UBE2R2: variants seen among roughly 807,000 people sequenced by gnomAD.
UBE2R2 encodes the protein ubiquitin conjugating enzyme E2 R2.
Under a neutral mutation model 27.8 loss-of-function variants are expected in UBE2R2, and 1 was observed. The ratio of observed to expected loss-of-function variants is 0.04; its 90% confidence interval spans 0.01 to 0.17. The LOEUF is 0.17. UBE2R2 is among the 10% of genes least tolerant of loss of function. UBE2R2 has a pLI of 1.00. For synonymous variants in UBE2R2, 106 were observed against 113.3 expected (o/e 0.94, Z 0.41); for missense variants, 100 against 291.0 (o/e 0.34, Z 4.78).
At chr9:33,823,531 A>G (rs1820219098) in intron 1 of UBE2R2, among the ~76,000 whole-genome samples, 1 of 152,000 alleles carries the variant, frequency 6.6e-6, no homozygotes, top group Admixed American at 6.6e-5. Flanking sequence ...GCGTGCCAGC[A>G]CGCCCGGTTA....
At chr9:33,907,836 GTT>G (rs10971780) in intron 3 of UBE2R2, among the ~76,000 whole-genome samples, 1 of 151,126 alleles carries the variant, frequency 6.6e-6, no homozygotes, top group African/African-American at 2.4e-5. Flanking sequence ...TTTTGTTGTT[GTT>G]TTTTTTTAAG....
At chr9:33,848,957 A>G (rs1038326513) in intron 1 of UBE2R2, among the ~76,000 whole-genome samples, 1 of 151,934 alleles carries the variant, frequency 6.6e-6, no homozygotes, top group Non-Finnish European at 1.5e-5. Context: ...CTACAAAGAT[A>G]ATAATAACTC....
At chr9:33,876,291 G>C (rs1346191946) in intron 1 of UBE2R2, among the ~76,000 whole-genome samples, 1 of 152,208 alleles carries the variant, frequency 6.6e-6, no homozygotes, top group Non-Finnish European at 1.5e-5. Context: ...GGGAGGCGGA[G>C]GTTGCAGTGA....
chr9:33,848,727 G>A (rs1002516212), intron 1 of UBE2R2, among the ~76,000 whole-genome samples: 17 of 151,328 alleles, frequency 1.1e-4, no homozygotes, highest in Non-Finnish European at 2.2e-4. Context: ...TTAGCCTCCC[G>A]AATAGCTGAG....
intron 1 of UBE2R2, among the ~76,000 whole-genome samples, chr9:33,853,280 TTC>T (rs1225565507): frequency 7.3e-6 from 1 of 136,372 alleles, no homozygotes; most frequent in Non-Finnish European, 1.6e-5. Flanking sequence ...GCTTTACCTT[TTC>T]TCTCTCTTTT....
At chr9:33,892,413 A>G (rs1822012036) in intron 2 of UBE2R2, among the ~76,000 whole-genome samples, 1 of 152,174 alleles carries the variant, frequency 6.6e-6, no homozygotes, top group South Asian at 2.1e-4. Context: ...TAATTTTTAG[A>G]GCAGTTTTGG....
intron 1 of UBE2R2, among the ~76,000 whole-genome samples, chr9:33,859,948 A>G (rs1008916412): frequency 3.9e-5 from 6 of 152,076 alleles, no homozygotes; most frequent in African/African-American, 9.7e-5. Flanking sequence ...CTGAGACCAC[A>G]GGCATGAACC....
intron 2 of UBE2R2, among the ~76,000 whole-genome samples, chr9:33,893,852 G>A (rs956250512): frequency 6.6e-6 from 1 of 152,110 alleles, no homozygotes; most frequent in African/African-American, 2.4e-5. Flanking sequence ...GGCTGATCTA[G>A]AACTCCTGGC....
chr9:33,869,832 TTTTTG>T (rs916600640), intron 1 of UBE2R2, among the ~76,000 whole-genome samples: 10 of 152,066 alleles, frequency 6.6e-5, no homozygotes, highest in African/African-American at 1.9e-4. Flanking sequence ...TTTAAATTAT[TTTTTG>T]TTTTGTTTTT....
At chr9:33,856,441 A>G (rs998059029) in intron 1 of UBE2R2, among the ~76,000 whole-genome samples, 1 of 152,064 alleles carries the variant, frequency 6.6e-6, no homozygotes, top group Non-Finnish European at 1.5e-5. Flanking sequence ...AGATTTCTAA[A>G]TAGTGTGCTC....
chr9:33,828,238 G>T (rs1820358703), intron 1 of UBE2R2, among the ~76,000 whole-genome samples: 1 of 149,988 alleles, frequency 6.7e-6, no homozygotes, highest in Admixed American at 6.6e-5. Context: ...GGAGGTGGAG[G>T]TTGCAGTGAG....
chr9:33,874,798 G>T (rs1432904941), intron 1 of UBE2R2, among the ~76,000 whole-genome samples: 1 of 151,956 alleles, frequency 6.6e-6, no homozygotes, highest in Non-Finnish European at 1.5e-5. Context: ...GAGTAGCCAG[G>T]ACTACAAGTG....
chr9:33,899,594 C>G (rs566076248), intron 2 of UBE2R2, among the ~76,000 whole-genome samples: 4 of 152,116 alleles, frequency 2.6e-5, no homozygotes, highest in Non-Finnish European at 4.4e-5. Context: ...AGGCTGGTCT[C>G]GAACTCCTGA....
chr9:33,853,533 C>T (rs971960222), intron 1 of UBE2R2, among the ~76,000 whole-genome samples: 1 of 152,046 alleles, frequency 6.6e-6, no homozygotes, highest in East Asian at 1.9e-4. Context: ...GATCCGCCCG[C>T]CTTGGCCTCC....
At chr9:33,862,000 C>G (rs1264329116) in intron 1 of UBE2R2, among the ~76,000 whole-genome samples, 1 of 151,748 alleles carries the variant, frequency 6.6e-6, no homozygotes, top group African/African-American at 2.4e-5. Flanking sequence ...ATTATAGGCG[C>G]CTGCCACCAT....
In UBE2R2 at chr9:33,835,535, T is replaced by C. The variant is rs547008606; in HGVS notation, c.177+17601T>C. Among the ~76,000 whole-genome samples the C allele has an allele frequency of 4.6e-5, 7 of 152,278 alleles. No homozygotes were observed. In the South Asian group the frequency reaches 1.4e-3, roughly 32 times the overall value. Reference sequence around the variant, plus strand: ...TAAGTTGTTTCAGCCTTTTCCTTAATACAAAAGATGTCGCAGGAAACTTTA... The same window carrying C: ...TAAGTTGTTTCAGCCTTTTCCTTAACACAAAAGATGTCGCAGGAAACTTTA... On this transcript the variant is annotated intron_variant, in intron 1 of 4. Coordinates refer to ENST00000263228, the MANE Select transcript of UBE2R2 (RefSeq NM_017811.4).
intron 4 of UBE2R2, 61 bp downstream of exon 4, chr9:33,912,159 G>A (rs1468182779): frequency 2.1e-6 from 3 of 1,431,706 alleles, no homozygotes; most frequent in African/African-American, 2.9e-5. Flanking sequence ...CTGGAACCAA[G>A]GGTTTAAATC....
intron 4 of UBE2R2, among the ~76,000 whole-genome samples, chr9:33,913,319 A>G (rs956907026): frequency 6.6e-6 from 1 of 152,208 alleles, no homozygotes; most frequent in Non-Finnish European, 1.5e-5. Context: ...GCTGGAGTGC[A>G]ATGGTGTGAT....
At chr9:33,904,806 T>C (rs1822317540) in intron 3 of UBE2R2, among the ~76,000 whole-genome samples, 2 of 152,122 alleles carry the variant, frequency 1.3e-5, no homozygotes, top group South Asian at 4.1e-4. Context: ...AGGATTAAAT[T>C]GGTGGGGCTG....
Sources: gnomAD v4.1 joint callset for allele counts (sites outside exome capture counted in the v4.1 genomes callset) on GRCh38, gnomAD v4.1.1 for gene constraint, MANE v1.5 for transcripts, NCBI Gene and HGNC (gene_info 2026-07-23, HGNC 2026-07-21) for gene names.